Variants in ABR observed in about 807,000 individuals in gnomAD.
ABR encodes active breakpoint cluster region-related protein.
ABR carries 35 observed loss-of-function variants against 107.2 expected under a neutral mutation model. The observed-to-expected ratio is 0.33, with a 90% CI of 0.25 to 0.43. The LOEUF (loss-of-function observed/expected upper bound fraction) is 0.43. Among genes scored for constraint, ABR ranks in the 20% least tolerant of loss-of-function variants. ABR has a pLI of 1.00. For missense variants in ABR, 815 were observed against 1,115.2 expected (o/e 0.73, Z 3.83); for synonymous variants, 498 against 462.0 (o/e 1.08, Z -1.00).
At chr17:1,175,348 G>C (rs1160360884) in intron 1 of ABR, among the ~76,000 whole-genome samples, 2 of 152,146 alleles carry the variant, frequency 1.3e-5, no homozygotes, top group African/African-American at 2.4e-5. Context: ...GGAGGCGGAG[G>C]TTGCAGTGAG....
chr17:1,013,213 C>A, intron 16 of ABR, 49 bp from the exon 17 acceptor site: 1 of 1,570,818 alleles, frequency 6.4e-7, no homozygotes, highest in Non-Finnish European at 8.8e-7. Context: ...GGAGGCCAAG[C>A]CAGAGATCTC....
chr17:1,220,162 G>T (rs1393253608), intron 1 of ABR, among the ~76,000 whole-genome samples: 1 of 152,068 alleles, frequency 6.6e-6, no homozygotes, highest in Non-Finnish European at 1.5e-5. Context: ...GTGGTGGCGG[G>T]CGCCTGTGGT....
At chr17:1,102,034 G>A (rs546931374) in intron 2 of ABR, among the ~76,000 whole-genome samples, 5 of 152,136 alleles carry the variant, frequency 3.3e-5, no homozygotes, top group Non-Finnish European at 5.9e-5. Flanking sequence ...CACCCTGCCG[G>A]AAAGACATTT....
chr17:1,222,074 C>CTTTTTTTTT lies in ABR; in HGVS notation c.838+6718_838+6719insAAAAAAAAA, dbSNP rs1488404002. On this transcript the variant is annotated intron_variant, in intron 1 of 22. Transcript: ENST00000574139. Reference sequence around the variant, plus strand: ...ATAACAGCACCATGGAGGATCCCATCTTTTTTTCTGAGACGGAGTTTCACC... The same window carrying CTTTTTTTTT: ...ATAACAGCACCATGGAGGATCCCATCTTTTTTTTTTTTTTTTCTGAGACGGAGTTTCACC... 2.5e-4 allele frequency among the ~76,000 whole-genome samples: 36 copies of CTTTTTTTTT among 144,812 alleles called. 2 individuals are homozygous for CTTTTTTTTT. Among genetic ancestry groups the CTTTTTTTTT allele is most frequent in the African/African-American group, 2.8e-4 (11 of 39,108 alleles).
Position 1,071,671 on chromosome 17 carries a change from G to A in ABR, c.894+943C>T, listed in dbSNP as rs967065771. On this transcript the variant is annotated intron_variant, in intron 8 of 22. Transcript: ENST00000302538. This position sits in a 1 kb window ranked among gnomAD's most constrained non-coding sequence, Gnocchi z 5.1. ...CCGCAAGCCACTGCGTGTGCAGGCC[G>A]AGCTGAAGCAGCTCCAAGCTCCTGC... 1.2e-4 allele frequency among the ~76,000 whole-genome samples: 18 copies of A among 152,348 alleles called. No individual in the cohort carries two copies. Among genetic ancestry groups the A allele is most frequent in the African/African-American group, 4.1e-4 (17 of 41,590 alleles).
At chr17:1,182,148 C>T (rs2042155277), upstream of ABR, 1 of 152,168 alleles carries the variant, frequency 6.6e-6, no homozygotes, top group Non-Finnish European at 1.5e-5. Context: ...GAGGGCTCTA[C>T]AGAGGAAACT....
rs72267709 is a variant in ABR, at chr17:1,114,169, C to CAA, written c.246+11012_246+11013dup. ...TGGGCCACAGAGAAAGACCCTGTCT[C>CAA]AAAAAAAAAAAAAAAATTAGGCTGG... On this transcript the variant is annotated intron_variant, in intron 2 of 22. Transcript: ENST00000302538. 2.0e-3 allele frequency among the ~76,000 whole-genome samples: 257 copies of CAA among 131,474 alleles called. 6 individuals carry two copies. The highest frequency in any genetic ancestry group is 3.6e-3 in the African/African-American group (124 of 34,836). 86.3% of individuals were successfully genotyped at this position (131,474 alleles called of 152,430 possible).
At chr17:1,177,671 T>C (rs1463675093) in intron 1 of ABR, among the ~76,000 whole-genome samples, 1 of 152,142 alleles carries the variant, frequency 6.6e-6, no homozygotes, top group Non-Finnish European at 1.5e-5. Flanking sequence ...TCCATACGAT[T>C]CCAGGCTTCG....
intron 10 of ABR, among the ~76,000 whole-genome samples, chr17:1,059,656 G>C (rs892861857): frequency 6.6e-6 from 1 of 152,184 alleles, no homozygotes; most frequent in Non-Finnish European, 1.5e-5. Context: ...TCTGCGGGCA[G>C]AGCCTGCTCC....
chr17:1,022,352 C>A (rs2071759765), intron 16 of ABR: 1 of 152,368 alleles, frequency 6.6e-6, no homozygotes, highest in Admixed American at 6.5e-5. Flanking sequence ...CCAAGGGCAG[C>A]CCCACGCTCA....
At position 1,031,867 on chromosome 17, in the gene ABR, T is replaced by TCCCC. The variant is rs1383778035; in HGVS notation, c.1791+18179_1791+18182dup. The TCCCC allele has an allele frequency of 4.5e-4, 341 of 760,864 alleles. 2 individuals carry two copies. The African/African-American group carries it at 0.015, about 33-fold the overall frequency. The allele number at this position is 760,864 out of a possible 1,614,324, so 47.1% of individuals were successfully genotyped here. A position where few individuals can be genotyped will look rare whatever the true frequency, so the allele number is the denominator to read the frequency against. ...GCGCTCGCCTCCCTCCCTCCCTCCC[T>TCCCC]CCCCGCGCTCCCCTCCCTCCCTCCC... On this transcript the variant is annotated intron_variant, in intron 16 of 22. Coordinates refer to ENST00000302538, the MANE Select transcript of ABR (RefSeq NM_021962.5).
At chr17:1,015,349 G>A (rs1424937381) in intron 16 of ABR, among the ~76,000 whole-genome samples, 2 of 150,202 alleles carry the variant, frequency 1.3e-5, no homozygotes, top group Non-Finnish European at 3.0e-5. Flanking sequence ...AACCCAGGAG[G>A]TGGAGGTTGC....
At chr17:1,073,956 C>A (rs971621411) in intron 6 of ABR, among the ~76,000 whole-genome samples, 1 of 140,518 alleles carries the variant, frequency 7.1e-6, no homozygotes, top group Non-Finnish European at 1.6e-5. Context: ...CCCCGCCCCC[C>A]TCCCCAGGCC....
chr17:1,119,659 T>C (rs1374448729), intron 2 of ABR, among the ~76,000 whole-genome samples: 1 of 152,198 alleles, frequency 6.6e-6, no homozygotes, highest in Non-Finnish European at 1.5e-5. Flanking sequence ...TCCACAGAGA[T>C]GATCAGGGAT....
chr17:1,139,239 G>A (rs1478521241), intron 1 of ABR, among the ~76,000 whole-genome samples: 1 of 151,844 alleles, frequency 6.6e-6, no homozygotes, highest in Non-Finnish European at 1.5e-5. Flanking sequence ...AAAAAAAGAG[G>A]TTTTTTTTGT....
Position 1,069,984 on chromosome 17 carries a change from T to C in ABR, c.1001A>G (p.Lys334Arg), listed in dbSNP as rs2035093845. 4 of 1,583,362 alleles carry C rather than the reference T, an allele frequency of 2.5e-6. No homozygotes were observed. The highest frequency in any genetic ancestry group is 1.7e-5 in the Admixed American group (1 of 58,742). Reference protein sequence around the residue: ...FTDVLLCAKLKKTSAGKHQQY... With the variant: ...FTDVLLCAKLRKTSAGKHQQY... The stretch of plus-strand genomic sequence containing the variant: ...ACACACTCACCCTGCAGAGGTCTTC[T>C]TCAGCTTGGCACACAGTAGGACATC... Residue 334 changes from lysine to arginine, a missense_variant, in exon 9 of 23, where the codon AAG becomes AGG. Physicochemically the swap from Lys to Arg is conservative, Grantham distance 26 (BLOSUM62 2). This residue lies in a region of ABR where 385 missense variants were observed against 596.9 expected (regional missense o/e 0.64). Coordinates refer to ENST00000302538, the MANE Select transcript of ABR (RefSeq NM_021962.5).
At position 1,049,489 on chromosome 17, in the gene ABR, T is replaced by C. The variant is rs116600852; in HGVS notation, c.1791+561A>G. ...AAGCATAAATACCCTTAACCCGAGGTGCAGCCTCTACTAACACCCAGAGTC... is the reference window on the plus strand; with the variant it reads ...AAGCATAAATACCCTTAACCCGAGGCGCAGCCTCTACTAACACCCAGAGTC... On this transcript the variant is annotated intron_variant, in intron 16 of 22. Coordinates refer to ENST00000302538, the MANE Select transcript of ABR (RefSeq NM_021962.5). Among the ~76,000 whole-genome samples, 749 of 152,098 alleles carry C rather than the reference T, an allele frequency of 4.9e-3. 7 individuals carry two copies. The highest frequency in any genetic ancestry group is 0.017 in the African/African-American group (716 of 41,476).
chr17:1,107,513 G>A (rs1210563469), intron 2 of ABR, among the ~76,000 whole-genome samples: 1 of 152,258 alleles, frequency 6.6e-6, no homozygotes, highest in African/African-American at 2.4e-5. Context: ...CATACGCCGG[G>A]GTCCAGCAGA....
intron 10 of ABR, 40 bp downstream of exon 10, chr17:1,067,037 G>A: frequency 6.2e-7 from 1 of 1,603,716 alleles, no homozygotes; most frequent in Non-Finnish European, 8.5e-7. Context: ...AACACAGCTG[G>A]CTCAAAGGGC....
Sources: allele counts gnomAD v4.1 joint callset (sites outside exome capture counted in the v4.1 genomes callset), GRCh38; gene constraint gnomAD v4.1.1; regional missense constraint gnomAD v4.1.1; non-coding constraint Gnocchi (gnomAD v3.1); transcripts MANE v1.5; gene names NCBI Gene and HGNC (gene_info 2026-07-23, HGNC 2026-07-21).